Variants in VWA3B observed in about 807,000 individuals in gnomAD.
The protein encoded by VWA3B is von Willebrand factor A domain-containing protein 3B.
In VWA3B, 138 loss-of-function variants were observed where a neutral mutation model predicts 158.3. The observed-to-expected ratio is 0.87, with a 90% CI of 0.76 to 1.00. The LOEUF (loss-of-function observed/expected upper bound fraction) is 1.00, where lower values mean the gene tolerates loss of function less well. VWA3B is among the 50% of genes least tolerant of loss of function. The pLI is 0.00. For synonymous variants in VWA3B, 596 were observed against 587.3 expected, an observed-to-expected ratio of 1.01 and a Z score of -0.21; for missense variants, 1,555 against 1,565.1, an observed-to-expected ratio of 0.99 and a Z score of 0.11.
At chr2:98,117,808 G>T (rs1173691460) in intron 3 of VWA3B, among the ~76,000 whole-genome samples, 1 of 148,990 alleles carries the variant, frequency 6.7e-6, no homozygotes, top group Non-Finnish European at 1.5e-5. Flanking sequence ...GGAGTGCAGT[G>T]GTGCCATCTC....
chr2:98,145,013 C>T (rs554970318), intron 7 of VWA3B, among the ~76,000 whole-genome samples: 1 of 152,340 alleles, frequency 6.6e-6, no homozygotes, highest in East Asian at 1.9e-4. Flanking sequence ...GAGGAGAAAT[C>T]TGAGGCCAGC....
chr2:98,228,371 C>T (rs774995882), intron 15 of VWA3B, 39 bp downstream of exon 15: 2 of 1,583,170 alleles, frequency 1.3e-6, no homozygotes, highest in South Asian at 2.3e-5. Flanking sequence ...GCGCTGAGGC[C>T]TCTTGAGAGC....
intron 21 of VWA3B, among the ~76,000 whole-genome samples, chr2:98,268,500 G>T (rs1444107481): frequency 6.6e-6 from 1 of 152,008 alleles, no homozygotes; most frequent in African/African-American, 2.4e-5. Flanking sequence ...GTATTCTTCA[G>T]CTCTAGAATT....
intron 22 of VWA3B, among the ~76,000 whole-genome samples, chr2:98,289,380 C>A (rs1689356059): frequency 6.6e-6 from 1 of 152,152 alleles, no homozygotes; most frequent in Non-Finnish European, 1.5e-5. Context: ...GGGAAAGTTT[C>A]TACCTAGGGA....
intron 7 of VWA3B, among the ~76,000 whole-genome samples, chr2:98,148,295 T>C (rs1677340190): frequency 6.6e-6 from 1 of 152,220 alleles, no homozygotes; most frequent in Admixed American, 6.5e-5. Context: ...CTGAATTTCT[T>C]TGATGAAGAA....
intron 7 of VWA3B, among the ~76,000 whole-genome samples, chr2:98,150,136 C>T (rs1009813839): frequency 6.6e-6 from 1 of 152,222 alleles, no homozygotes; most frequent in East Asian, 1.9e-4. Context: ...AGGCTGAGAG[C>T]AATTTTATCT....
At chr2:98,182,355 G>A (rs1362381963) in intron 9 of VWA3B, among the ~76,000 whole-genome samples, 1 of 152,208 alleles carries the variant, frequency 6.6e-6, no homozygotes, top group Non-Finnish European at 1.5e-5. Flanking sequence ...AAAGGGCACT[G>A]TCCGTCGGGG....
At chr2:98,141,775 A>G (rs1206120606) in intron 7 of VWA3B, among the ~76,000 whole-genome samples, 3 of 152,066 alleles carry the variant, frequency 2.0e-5, no homozygotes, top group Admixed American at 6.5e-5. Flanking sequence ...TAATCTTACC[A>G]TGATGTTCTC....
rs978653948 is a variant in VWA3B, at chr2:98,177,621, G to A, written c.1115-3395G>A. Among the ~76,000 whole-genome samples the A allele has an allele frequency of 2.0e-5, 3 of 150,736 alleles. No individual in the cohort carries two copies. The East Asian group carries it at 5.8e-4, about 29-fold the overall frequency. Reference sequence around the variant, plus strand: ...GTGCCTGGGTTCTTTGGTTTTGATTGCTTGGTCATCCTTTCTTTCCTCTAT... The same window carrying A: ...GTGCCTGGGTTCTTTGGTTTTGATTACTTGGTCATCCTTTCTTTCCTCTAT... On this transcript the variant is annotated intron_variant, in intron 8 of 27. Coordinates refer to ENST00000477737, the MANE Select transcript of VWA3B (RefSeq NM_144992.5).
chr2:98,142,464 C>T (rs2105110248), intron 7 of VWA3B, among the ~76,000 whole-genome samples: 1 of 152,298 alleles, frequency 6.6e-6, no homozygotes, highest in Admixed American at 6.5e-5. Flanking sequence ...AATACCTCTC[C>T]TAGGGGTTCA....
At chr2:98,167,085 C>T (rs577023029) in intron 8 of VWA3B, among the ~76,000 whole-genome samples, 1 of 152,098 alleles carries the variant, frequency 6.6e-6, no homozygotes, top group Non-Finnish European at 1.5e-5. Context: ...CAGCTGTTCC[C>T]CTAAGCTGGC....
chr2:98,236,779 G>T, intron 19 of VWA3B, 49 bp downstream of exon 19: 1 of 1,559,424 alleles, frequency 6.4e-7, no homozygotes. Flanking sequence ...TTCATTTTCT[G>T]CTCAAATAAA....
chr2:98,303,630 T>C, intron 25 of VWA3B, 72 bp from the exon 26 acceptor site: 1 of 1,410,928 alleles, frequency 7.1e-7, no homozygotes, highest in Non-Finnish European at 1.0e-6. Context: ...TGGGTTGAGC[T>C]AGAATAAAAT....
intron 13 of VWA3B, among the ~76,000 whole-genome samples, chr2:98,216,417 C>A (rs923948584): frequency 5.6e-4 from 85 of 152,214 alleles, no homozygotes; most frequent in Non-Finnish European, 8.8e-5. Flanking sequence ...GGCATGTGCA[C>A]CATCCTAAAT....
Position 98,236,611 on chromosome 2 carries a change from T to A in VWA3B, c.2554T>A (p.Tyr852Asn). 6.2e-7 allele frequency: 1 copy of A among 1,614,234 alleles called. No individual in the cohort carries two copies. Among genetic ancestry groups the A allele is most frequent in the Non-Finnish European group, 8.5e-7 (1 of 1,180,030 alleles). ...GTCTTCAGAAAACTGGCTGAAGACC[T>A]ATGGCTTGGTCGCCAAGAAACTCAC... is the stretch of plus-strand genomic sequence containing the variant. ...DVSSENWLKT[Y>N]GLVAKKLTLM... Residue 852 changes from tyrosine to asparagine, a missense_variant, in exon 19 of 28, where the codon TAT becomes AAT. Transcript: ENST00000477737.
At chr2:98,128,124 T>C in intron 5 of VWA3B, 115 bp from the exon 6 acceptor site, 1 of 1,301,334 alleles carries the variant, frequency 7.7e-7, no homozygotes, top group Non-Finnish European at 1.1e-6. Context: ...AGGGCTGCTA[T>C]TCTTTCTGCC....
chr2:98,216,021 G>A (rs1331201775), intron 13 of VWA3B, among the ~76,000 whole-genome samples: 1 of 152,090 alleles, frequency 6.6e-6, no homozygotes, highest in Non-Finnish European at 1.5e-5. Flanking sequence ...GGCTTTATAG[G>A]AACTGAATGT....
At chr2:98,153,447 G>A (rs1677800971) in intron 7 of VWA3B, among the ~76,000 whole-genome samples, 1 of 152,146 alleles carries the variant, frequency 6.6e-6, no homozygotes, top group South Asian at 2.1e-4. Flanking sequence ...GGAGAAAAAT[G>A]CATGAACTAA....
rs200769111 is a variant in VWA3B, at chr2:98,228,348, C to T, written c.2150+16C>T. The T allele has an allele frequency of 2.9e-5, 46 of 1,608,602 alleles. No homozygotes were observed. Among genetic ancestry groups the T allele is most frequent in the Admixed American group, 3.4e-5 (2 of 59,480 alleles). Reference sequence around the variant, plus strand: ...GAGACAGCAAGTGAGCACCTCTGCCCGCCTGTCTCCCTGCGCTGAGGCCTC... The same window carrying T: ...GAGACAGCAAGTGAGCACCTCTGCCTGCCTGTCTCCCTGCGCTGAGGCCTC... On this transcript the variant is annotated intron_variant, in intron 15 of 27. Transcript: ENST00000477737.
Sources: gnomAD v4.1 joint callset for allele counts (sites outside exome capture counted in the v4.1 genomes callset) on GRCh38, gnomAD v4.1.1 for gene constraint, MANE v1.5 for transcripts, NCBI Gene and HGNC (gene_info 2026-07-23, HGNC 2026-07-21) for gene names.